The following EXOC4 variants were observed in gnomAD, a reference collection of about 807,000 sequenced individuals.
EXOC4 encodes the protein SEC8-like 1.
A neutral mutation model predicts 107.2 loss-of-function variants in EXOC4; 71 were observed. The observed-to-expected ratio is 0.66, with a 90% CI of 0.55 to 0.81. EXOC4 has a LOEUF of 0.81. Ranked by LOEUF, EXOC4 falls within the 30% of genes least tolerant of loss-of-function variation. The pLI, the probability that EXOC4 is intolerant of heterozygous loss-of-function variation, is 0.00. For missense variants in EXOC4, 1,108 were observed against 1,189.6 expected, an observed-to-expected ratio of 0.93 and a Z score of 1.01; for synonymous variants, 456 against 441.2, an observed-to-expected ratio of 1.03 and a Z score of -0.42.
chr7:133,277,701 G>A (rs904339571), intron 2 of EXOC4, among the ~76,000 whole-genome samples: 4 of 152,136 alleles, frequency 2.6e-5, no homozygotes, highest in Admixed American at 6.5e-5. Context: ...TCAATATTGG[G>A]TAGAGAAATA....
intron 9 of EXOC4, among the ~76,000 whole-genome samples, chr7:133,627,566 C>G (rs968081360): frequency 6.6e-6 from 1 of 152,054 alleles, no homozygotes; most frequent in African/African-American, 2.4e-5. Context: ...TTTCATGAAT[C>G]AATTCTGACT....
At chr7:133,526,260 A>G (rs1409179360) in intron 9 of EXOC4, among the ~76,000 whole-genome samples, 2 of 152,196 alleles carry the variant, frequency 1.3e-5, no homozygotes, top group African/African-American at 4.8e-5. Flanking sequence ...GTTTTTCAGA[A>G]ATCCCTAGTC....
intron 9 of EXOC4, chr7:133,576,817 G>A (rs1801141008): frequency 1.6e-6 from 2 of 1,289,560 alleles, no homozygotes; most frequent in Non-Finnish European, 2.0e-6. Flanking sequence ...AAGTTTTACT[G>A]AACTCCTCGA....
intron 9 of EXOC4, among the ~76,000 whole-genome samples, chr7:133,623,586 C>T (rs987245569): frequency 6.6e-6 from 1 of 152,162 alleles, no homozygotes; most frequent in Non-Finnish European, 1.5e-5. Context: ...TAATGACACA[C>T]TACCTAAGAG....
intron 9 of EXOC4, among the ~76,000 whole-genome samples, chr7:133,594,493 C>CTTTTTTTTTTTT (rs532692119): frequency 0.025 from 2,232 of 90,238 alleles, 414 homozygotes; most frequent in East Asian, 0.033. Context: ...AAGCTTGAGT[C>CTTTTTTTTTTTT]TTTTTTTTTT....
At chr7:133,715,274 A>C (rs1335818253) in intron 10 of EXOC4, among the ~76,000 whole-genome samples, 2 of 152,192 alleles carry the variant, frequency 1.3e-5, no homozygotes, top group Admixed American at 1.3e-4. Flanking sequence ...TAGCCTCCTG[A>C]GTAGCTGGGA....
At chr7:133,685,677 AGACTAG>A (rs1300312487) in intron 10 of EXOC4, among the ~76,000 whole-genome samples, 6 of 152,222 alleles carry the variant, frequency 3.9e-5, no homozygotes, top group Non-Finnish European at 7.3e-5. Context: ...CTGCCAGAGA[AGACTAG>A]GCCGACTTGA....
chr7:133,715,070 T>G (rs148981640), intron 10 of EXOC4, among the ~76,000 whole-genome samples: 1 of 152,272 alleles, frequency 6.6e-6, no homozygotes, highest in East Asian at 1.9e-4. Flanking sequence ...AGAGCAGCAG[T>G]TTTTTCCTGG....
At chr7:133,537,993 G>A (rs1800306375) in intron 9 of EXOC4, among the ~76,000 whole-genome samples, 1 of 151,710 alleles carries the variant, frequency 6.6e-6, no homozygotes, top group South Asian at 2.1e-4. Flanking sequence ...AGCTTTCCCT[G>A]TTTTTTTTGG....
chr7:134,038,756 G>A (rs1488939418), intron 17 of EXOC4, among the ~76,000 whole-genome samples: 1 of 152,152 alleles, frequency 6.6e-6, no homozygotes, highest in Non-Finnish European at 1.5e-5. Context: ...ACCACAGGCT[G>A]CTCCCAGTCT....
At chr7:133,462,917 GAAT>G (rs953582140) in intron 7 of EXOC4, among the ~76,000 whole-genome samples, 21 of 152,240 alleles carry the variant, frequency 1.4e-4, no homozygotes, top group African/African-American at 5.1e-4. Context: ...GAGAGGCGCT[GAAT>G]AATAATAAGA....
intron 10 of EXOC4, among the ~76,000 whole-genome samples, chr7:133,778,842 T>C (rs766979329): frequency 1.3e-5 from 2 of 152,240 alleles, no homozygotes; most frequent in Non-Finnish European, 2.9e-5. Flanking sequence ...AATGCTAACA[T>C]TGTTTTCCTT....
intron 10 of EXOC4, among the ~76,000 whole-genome samples, chr7:133,669,654 T>G (rs1381662922): frequency 1.3e-5 from 2 of 152,208 alleles, no homozygotes; most frequent in Non-Finnish European, 2.9e-5. Flanking sequence ...ATGTACAGTT[T>G]TAAAAGATAG....
chr7:133,696,471 C>A (rs1794535460), intron 10 of EXOC4, among the ~76,000 whole-genome samples: 1 of 152,204 alleles, frequency 6.6e-6, no homozygotes, highest in Non-Finnish European at 1.5e-5. Context: ...TCAGAGCCAG[C>A]ACATTTTCAG....
intron 10 of EXOC4, among the ~76,000 whole-genome samples, chr7:133,644,054 C>T (rs905747901): frequency 6.6e-6 from 1 of 152,200 alleles, no homozygotes; most frequent in African/African-American, 2.4e-5. Flanking sequence ...TCAAGGAGTT[C>T]TGGGTCTGTA....
At chr7:133,993,835 G>A (rs59692851) in intron 14 of EXOC4, among the ~76,000 whole-genome samples, 2,127 of 152,220 alleles carry the variant, frequency 0.014, 55 homozygotes, top group African/African-American at 0.048. Flanking sequence ...CTTTTATCAG[G>A]AAAAACAAAA....
chr7:133,286,960 G>T (rs914900236), intron 2 of EXOC4, among the ~76,000 whole-genome samples: 1 of 152,120 alleles, frequency 6.6e-6, no homozygotes, highest in Non-Finnish European at 1.5e-5. Flanking sequence ...ATGGGGATTT[G>T]GGGCTCAGAA....
chr7:133,326,801 C>T (rs1018173157), intron 5 of EXOC4, among the ~76,000 whole-genome samples: 1 of 152,212 alleles, frequency 6.6e-6, no homozygotes, highest in Non-Finnish European at 1.5e-5. Flanking sequence ...GCCCTGCCCC[C>T]AGAGGTGCAG....
At chr7:133,275,647 C>A (rs1199604964) in intron 2 of EXOC4, among the ~76,000 whole-genome samples, 1 of 152,138 alleles carries the variant, frequency 6.6e-6, no homozygotes, top group Non-Finnish European at 1.5e-5. Flanking sequence ...CAGTCGAATA[C>A]CCTTTTATCT....
Sources: allele counts gnomAD v4.1 joint callset (sites outside exome capture counted in the v4.1 genomes callset), GRCh38; gene constraint gnomAD v4.1.1; transcripts MANE v1.5; gene names NCBI Gene and HGNC (gene_info 2026-07-23, HGNC 2026-07-21).